The following MTAP variants were observed in gnomAD, a reference collection of about 807,000 sequenced individuals.
The protein encoded by MTAP is S-methyl-5'-thioadenosine phosphorylase.
In MTAP, 33 loss-of-function variants were observed where a neutral mutation model predicts 33.6. The observed-to-expected ratio is 0.98, with a 90% CI of 0.74 to 1.31. MTAP has a LOEUF of 1.31. Among genes scored for constraint, MTAP ranks in the 40% most tolerant of loss-of-function variants. The probability of loss-of-function intolerance (pLI) is 0.00; values close to 1 mark genes in which losing one functional copy is unlikely to be tolerated. For missense variants in MTAP, 367 were observed against 360.0 expected (o/e 1.02, Z -0.16); for synonymous variants, 148 against 125.7 (o/e 1.18, Z -1.19).
At chr9:21,896,998 C>T (rs1021411097) in intron 1 of MTAP, among the ~76,000 whole-genome samples, 4 of 152,132 alleles carry the variant, frequency 2.6e-5, no homozygotes, top group East Asian at 1.9e-4. Context: ...ACTGCCAAAC[C>T]GAATCCAGCA....
At chr9:21,875,250 C>T (rs1362205176) in intron 1 of MTAP, among the ~76,000 whole-genome samples, 2 of 152,046 alleles carry the variant, frequency 1.3e-5, no homozygotes, top group Admixed American at 6.6e-5. Flanking sequence ...GAGGAATCAC[C>T]ACACTGTATT....
At position 21,812,733 on chromosome 9, in the gene MTAP, G is replaced by C. The variant is rs144815066; in HGVS notation, c.34-2700G>C. The stretch of plus-strand genomic sequence containing the variant: ...CCTTCGTCATGAACTTGACCTCTCT[G>C]AGCATGTTGTCTCATAACATGGAGA... On this transcript the variant is annotated intron_variant, in intron 1 of 7. Transcript: ENST00000644715. Among the ~76,000 whole-genome samples the C allele has an allele frequency of 1.5e-3, 228 of 152,312 alleles. 1 individual carries two copies. Among genetic ancestry groups the C allele is most frequent in the Non-Finnish European group, 2.1e-3 (145 of 68,030 alleles).
At position 21,865,770 on chromosome 9, in the gene MTAP, A is replaced by G. The variant is rs1212450049; in HGVS notation, c.*3756A>G. ...AAAGAATGAGGGGAATTTCTTCAGAAAGACAATCTCGGCATGCATTATTTC... is the reference window on the plus strand; with the variant it reads ...AAAGAATGAGGGGAATTTCTTCAGAGAGACAATCTCGGCATGCATTATTTC... On this transcript the variant is annotated 3_prime_UTR_variant, in exon 8 of 8. Transcript: ENST00000644715. 2.5e-5 allele frequency: 26 copies of G among 1,039,304 alleles called. No individual in the cohort carries two copies. Among genetic ancestry groups the G allele is most frequent in the Non-Finnish European group, 2.7e-5 (23 of 857,754 alleles). 64.4% of individuals were successfully genotyped at this position (1,039,304 alleles called of 1,614,324 possible).
chr9:21,854,625 T>C lies in MTAP; in HGVS notation c.451-6T>C, dbSNP rs757058119. 29 of 1,534,906 alleles carry C rather than the reference T, an allele frequency of 1.9e-5. No individual in the cohort carries two copies. Among genetic ancestry groups the C allele is most frequent in the South Asian group, 3.9e-5 (3 of 77,900 alleles). ...TGTTTTGAAGTTTCTGGTTTTTCTT[T>C]TCTAGGTTCTTATAGAGACTGCTAA... On this transcript the variant is annotated splice_polypyrimidine_tract_variant and splice_region_variant and intron_variant, in intron 5 of 7. Transcript: ENST00000644715.
intron 5 of MTAP, among the ~76,000 whole-genome samples, chr9:21,852,350 C>A (rs1303763278): frequency 6.6e-6 from 1 of 151,828 alleles, no homozygotes; most frequent in African/African-American, 2.4e-5. Context: ...TACTAAAATA[C>A]AAAGAAAAGA....
At chr9:21,903,672 T>C (rs1818426237) in intron 1 of MTAP, among the ~76,000 whole-genome samples, 1 of 152,214 alleles carries the variant, frequency 6.6e-6, no homozygotes, top group African/African-American at 2.4e-5. Context: ...GCTACCCTTA[T>C]AATGAAATGC....
At chr9:21,923,337 CTG>C (rs1375501063) in intron 1 of MTAP, among the ~76,000 whole-genome samples, 3 of 152,196 alleles carry the variant, frequency 2.0e-5, no homozygotes, top group Non-Finnish European at 4.4e-5. Context: ...GGACATCACT[CTG>C]TGGTTCTTTA....
intron 1 of MTAP, chr9:21,892,474 C>G (rs1818215524): frequency 6.6e-6 from 1 of 152,034 alleles, no homozygotes; most frequent in Admixed American, 6.6e-5. Flanking sequence ...GGTTGCTATT[C>G]TTATTTCAGA....
At chr9:21,880,698 T>C (rs1032864436) in intron 1 of MTAP, among the ~76,000 whole-genome samples, 7 of 152,036 alleles carry the variant, frequency 4.6e-5, no homozygotes, top group Non-Finnish European at 8.8e-5. Flanking sequence ...CTTAACAAAA[T>C]AACTGCAAAA....
chr9:21,870,066 A>C (rs1329639871), downstream of MTAP, among the ~76,000 whole-genome samples: 6 of 152,010 alleles, frequency 3.9e-5, no homozygotes, highest in Non-Finnish European at 8.8e-5. Context: ...TGTTCCTTCT[A>C]CCTGGAACAC....
At chr9:21,928,027 C>T (rs1375475922) in intron 1 of MTAP, among the ~76,000 whole-genome samples, 2 of 152,172 alleles carry the variant, frequency 1.3e-5, no homozygotes, top group African/African-American at 2.4e-5. Context: ...AAGAGGCAGC[C>T]ATCTCAAAAG....
intron 5 of MTAP, among the ~76,000 whole-genome samples, chr9:21,847,983 C>A (rs1382293185): frequency 6.6e-6 from 1 of 152,156 alleles, no homozygotes; most frequent in East Asian, 1.9e-4. Flanking sequence ...AAGCTGGGGA[C>A]ACTGAGTTTG....
At chr9:21,938,258 A>G (rs1054997936), downstream of MTAP, among the ~76,000 whole-genome samples, 4 of 149,048 alleles carry the variant, frequency 2.7e-5, no homozygotes, top group Non-Finnish European at 5.9e-5. Flanking sequence ...TCGGCAACAG[A>G]GCGAGAGTCC....
intron 1 of MTAP, among the ~76,000 whole-genome samples, chr9:21,919,789 G>A (rs563460192): frequency 1.3e-5 from 2 of 152,124 alleles, no homozygotes; most frequent in South Asian, 2.1e-4. Flanking sequence ...TCAGAGAAGC[G>A]GGTTTACAGG....
At chr9:21,826,160 C>A (rs944781737) in intron 4 of MTAP, among the ~76,000 whole-genome samples, 5 of 149,700 alleles carry the variant, frequency 3.3e-5, no homozygotes, top group Non-Finnish European at 7.4e-5. Context: ...CTCTAAGTTC[C>A]TAATTCCTAG....
At chr9:21,851,487 G>A (rs893001934) in intron 5 of MTAP, among the ~76,000 whole-genome samples, 1 of 152,180 alleles carries the variant, frequency 6.6e-6, no homozygotes, top group South Asian at 2.1e-4. Flanking sequence ...TAGTATTTGG[G>A]TTGGTGTTTG....
At chr9:21,893,867 AAAATC>A (rs1441278548) in intron 1 of MTAP, 5 of 152,030 alleles carry the variant, frequency 3.3e-5, no homozygotes, top group Non-Finnish European at 5.9e-5. Flanking sequence ...CAAAAAAAAA[AAAATC>A]AAAGGAGGAG....
At chr9:21,848,623 G>T (rs962901651) in intron 5 of MTAP, among the ~76,000 whole-genome samples, 1 of 152,168 alleles carries the variant, frequency 6.6e-6, no homozygotes. Context: ...TCAGATGGTG[G>T]AGTAGATTAG....
chr9:21,837,318 AC>A (rs749324350), intron 4 of MTAP, among the ~76,000 whole-genome samples: 1 of 152,134 alleles, frequency 6.6e-6, no homozygotes, highest in Non-Finnish European at 1.5e-5. Flanking sequence ...GGCAGGAATT[AC>A]TCTTAGAGAC....
Sources: gnomAD v4.1 joint callset for allele counts (sites outside exome capture counted in the v4.1 genomes callset) on GRCh38, gnomAD v4.1.1 for gene constraint, MANE v1.5 for transcripts, NCBI Gene and HGNC (gene_info 2026-07-23, HGNC 2026-07-21) for gene names.